Variants in DOCK9 observed in about 807,000 individuals in gnomAD.
DOCK9 encodes the protein dedicator of cytokinesis 9, also known as dedicator of cytokinesis protein 9.
A neutral mutation model predicts 263.3 loss-of-function variants in DOCK9; 89 were observed. The ratio of observed to expected loss-of-function variants is 0.34; its 90% confidence interval spans 0.28 to 0.40. The LOEUF is 0.40. DOCK9 is among the 10% of genes least tolerant of loss of function. The pLI is 1.00. For synonymous variants in DOCK9, 976 were observed against 973.1 expected (o/e 1.00, Z -0.06); for missense variants, 2,140 against 2,603.4 (o/e 0.82, Z 3.87).
intron 1 of DOCK9, among the ~76,000 whole-genome samples, chr13:99,037,295 T>A (rs1887991133): frequency 6.6e-6 from 1 of 151,282 alleles, no homozygotes; most frequent in Non-Finnish European, 1.5e-5. Context: ...GAAAACCAAT[T>A]AAAAAATACA....
rs1032949702 is a variant in DOCK9, at chr13:98,885,185, A to C, written c.2261-93T>G. 1.4e-5 allele frequency: 21 copies of C among 1,517,116 alleles called. No homozygotes were observed. In the African/African-American group the frequency reaches 2.6e-4, roughly 19 times the overall value. 94.0% of individuals were successfully genotyped at this position (1,517,116 alleles called of 1,614,324 possible). A position where few individuals can be genotyped will look rare whatever the true frequency, so the allele number is the denominator to read the frequency against. On this transcript the variant is annotated intron_variant, in intron 20 of 52. Transcript: ENST00000682017. ...CCAATGTAAAACCGTCTGATTTTTA[A>C]GAACTTTTCCTATCAATTAGAGTAA...
In DOCK9 at chr13:98,805,140, C is replaced by T. The variant is rs1376557612; in HGVS notation, c.5584G>A (p.Glu1862Lys). 1 of 1,609,070 alleles carries T rather than the reference C, an allele frequency of 6.2e-7. No individual in the cohort carries two copies. The highest frequency in any genetic ancestry group is 1.3e-5 in the African/African-American group (1 of 74,984). ...GTTTTCCTTTCTTGCAACTCTTTTT[C>T]GTCAAAGAAGGGGATGACGTGAGTC... ...QVTHVIPFFD[E>K]KELQERKTEF... is the part of the protein sequence containing the mutation. Residue 1862 changes from glutamate (E) to lysine (K), a missense_variant, in exon 49 of 53, where the codon GAA becomes AAA. Glu to Lys is a moderately conservative substitution (Grantham distance 56). Transcript: ENST00000682017.
At chr13:98,954,081 A>T (rs2057749402) in intron 2 of DOCK9, among the ~76,000 whole-genome samples, 2 of 152,214 alleles carry the variant, frequency 1.3e-5, no homozygotes. Context: ...TTCTAAAGAC[A>T]AGTATGCACA....
intron 15 of DOCK9, 64 bp downstream of exon 15, chr13:98,897,424 G>C: frequency 1.3e-6 from 2 of 1,591,278 alleles, no homozygotes; most frequent in South Asian, 2.3e-5. Context: ...CTGCTCCCCT[G>C]TTCCTCCCTC....
chr13:99,057,662 T>G (rs1372807675), intron 1 of DOCK9, among the ~76,000 whole-genome samples: 1 of 152,172 alleles, frequency 6.6e-6, no homozygotes, highest in Non-Finnish European at 1.5e-5. Flanking sequence ...AAATACAAAT[T>G]ATAAATTTAC....
intron 4 of DOCK9, among the ~76,000 whole-genome samples, chr13:98,925,364 A>C (rs1244266716): frequency 1.6e-5 from 2 of 124,230 alleles, no homozygotes; most frequent in Non-Finnish European, 3.5e-5. Context: ...AGAATAAGTT[A>C]ATACATTAAA....
intron 1 of DOCK9, among the ~76,000 whole-genome samples, chr13:99,049,999 A>T (rs2040611743): frequency 6.6e-6 from 1 of 152,250 alleles, no homozygotes; most frequent in Non-Finnish European, 1.5e-5. Flanking sequence ...CTATAGATTT[A>T]AAAAATTGAA....
chr13:98,903,621 ACAAAAAAAAAAAG>A (rs2048658043), intron 10 of DOCK9, among the ~76,000 whole-genome samples: 1 of 77,602 alleles, frequency 1.3e-5, no homozygotes, highest in Non-Finnish European at 3.1e-5. Context: ...AAAAAAAAAG[ACAAAAAAAAAAAG>A]ACATGATGGT....
At chr13:98,855,771 G>C in intron 34 of DOCK9, 127 bp downstream of exon 34, 1 of 1,099,900 alleles carries the variant, frequency 9.1e-7, no homozygotes, top group Non-Finnish European at 1.3e-6. Flanking sequence ...ACCTACTCCA[G>C]GTCAGCCGGG....
At chr13:99,053,935 G>A (rs1171069800) in intron 1 of DOCK9, among the ~76,000 whole-genome samples, 2 of 152,180 alleles carry the variant, frequency 1.3e-5, no homozygotes, top group African/African-American at 2.4e-5. Context: ...CAAAGCAGAT[G>A]GGGCTGAGTT....
intron 9 of DOCK9, among the ~76,000 whole-genome samples, chr13:98,910,196 A>G (rs952935769): frequency 7.9e-5 from 12 of 152,230 alleles, no homozygotes; most frequent in African/African-American, 2.9e-4. Flanking sequence ...AAATTATTAA[A>G]TAACTAGTAA....
In DOCK9 at chr13:98,821,169, G is replaced by C. The variant is rs1361792910; in HGVS notation, c.5130+3229C>G. ...GCCCTGTTCTCCTGGGCTCTGCTCT[G>C]AGAAGCAGACACTGCAGGACTCGTG... On this transcript the variant is annotated intron_variant, in intron 45 of 52. Transcript: ENST00000682017. 2.0e-5 allele frequency among the ~76,000 whole-genome samples: 3 copies of C among 152,166 alleles called. No individual in the cohort carries two copies. In the East Asian group the frequency reaches 5.8e-4, roughly 29 times the overall value.
intron 45 of DOCK9, among the ~76,000 whole-genome samples, chr13:98,821,015 G>C (rs2092238026): frequency 6.6e-6 from 1 of 152,210 alleles, no homozygotes; most frequent in Admixed American, 6.5e-5. Context: ...TTGATGCTCT[G>C]TACATATCCC....
intron 19 of DOCK9, 127 bp from the exon 20 acceptor site, chr13:98,885,958 G>T: frequency 1.2e-6 from 1 of 828,046 alleles, no homozygotes; most frequent in South Asian, 2.5e-5. Context: ...ATTAACATTT[G>T]CACTCAAAGA....
chr13:98,890,617 C>T (rs1292843250), intron 15 of DOCK9, among the ~76,000 whole-genome samples: 1 of 152,220 alleles, frequency 6.6e-6, no homozygotes, highest in African/African-American at 2.4e-5. Flanking sequence ...AGCACAGGGA[C>T]TGGCAGATTC....
intron 2 of DOCK9, among the ~76,000 whole-genome samples, chr13:98,936,249 C>G (rs1399503155): frequency 1.3e-5 from 2 of 152,104 alleles, no homozygotes; most frequent in African/African-American, 2.4e-5. Context: ...CCAAAACTCT[C>G]CTGTACCCAC....
chr13:98,815,809 A>G (rs9554530), intron 45 of DOCK9, among the ~76,000 whole-genome samples: 27,959 of 152,154 alleles, frequency 0.18, 3,521 homozygotes, highest in East Asian at 0.43. Flanking sequence ...GTGGAAAACT[A>G]CGACCAGTCC....
chr13:98,904,791 C>T, intron 9 of DOCK9, 85 bp from the exon 10 acceptor site: 1 of 1,234,714 alleles, frequency 8.1e-7, no homozygotes, highest in Non-Finnish European at 1.1e-6. Context: ...CTGCCCAGTC[C>T]TGAAGGTTGA....
In DOCK9 at chr13:98,897,536, T is replaced by C. The variant is rs568770789; in HGVS notation, c.1661A>G (p.Asn554Ser). Residue 554 changes from asparagine to serine, a missense_variant, in exon 15 of 53, where the codon AAT (asparagine) becomes AGT (serine). Around this residue, in one of 2 missense-constraint regions of DOCK9, gnomAD observed 1,521 missense variants for 1,741.7 expected, o/e 0.87. Coordinates refer to ENST00000682017, the MANE Select transcript of DOCK9 (RefSeq NM_001366683.2). ...GAGCATGTCATCATTGGATAGCTTATTGCTGTCTTGCCTGTAGATGGCAGA... is the reference window on the plus strand; with the variant it reads ...GAGCATGTCATCATTGGATAGCTTACTGCTGTCTTGCCTGTAGATGGCAGA... ...RFSAIYRQDS[N>S]KLSNDDMLKL... The C allele has an allele frequency of 1.9e-6, 3 of 1,613,906 alleles. No individual in the cohort carries two copies. The highest frequency in any genetic ancestry group is 1.1e-5 in the South Asian group (1 of 91,082).
Sources: allele counts gnomAD v4.1 joint callset (sites outside exome capture counted in the v4.1 genomes callset), GRCh38; gene constraint gnomAD v4.1.1; regional missense constraint gnomAD v4.1.1; transcripts MANE v1.5; gene names NCBI Gene and HGNC (gene_info 2026-07-23, HGNC 2026-07-21).